The following PTPN14 variants were observed in gnomAD, a reference collection of about 807,000 sequenced individuals.
The protein encoded by PTPN14 is protein tyrosine phosphatase non-receptor type 14, also known as tyrosine-protein phosphatase non-receptor type 14.
In PTPN14, 53 loss-of-function variants were observed where a neutral mutation model predicts 126.8. The observed-to-expected ratio is 0.42, with a 90% CI of 0.34 to 0.53. PTPN14 has a LOEUF of 0.53. PTPN14 is among the 20% of genes least tolerant of loss of function. The pLI is 0.08. For missense variants in PTPN14, 1,257 were observed against 1,552.9 expected, an observed-to-expected ratio of 0.81 and a Z score of 3.20; for synonymous variants, 630 against 599.3, an observed-to-expected ratio of 1.05 and a Z score of -0.75.
At chr1:214,462,716 T>C (rs774427815) in intron 2 of PTPN14, among the ~76,000 whole-genome samples, 6 of 152,198 alleles carry the variant, frequency 3.9e-5, no homozygotes, top group Non-Finnish European at 5.9e-5. Flanking sequence ...TGATATTAAC[T>C]GTTTATTTAA....
intron 1 of PTPN14, among the ~76,000 whole-genome samples, chr1:214,495,119 T>C (rs10779617): frequency 0.57 from 86,673 of 152,054 alleles, 25,146 homozygotes; most frequent in Middle Eastern, 0.7. Flanking sequence ...AAAGACACTA[T>C]ACTAGTGAAA....
chr1:214,501,544 A>C lies in PTPN14; in HGVS notation c.-154-36587T>G, dbSNP rs147913335. 8.2e-3 allele frequency among the ~76,000 whole-genome samples: 1,248 copies of C among 152,250 alleles called. 14 individuals are homozygous for C. Among genetic ancestry groups the C allele is most frequent in the Middle Eastern group, 0.017 (5 of 294 alleles). On this transcript the variant is annotated intron_variant, in intron 1 of 18. Transcript: ENST00000366956. ...GGCATGAATGACCACGCCCAGCCCA[A>C]AACAGAGTAAGTATTCTATGAACAA... is the stretch of plus-strand genomic sequence containing the variant.
At chr1:214,485,567 G>A (rs1425315846) in intron 1 of PTPN14, among the ~76,000 whole-genome samples, 1 of 152,106 alleles carries the variant, frequency 6.6e-6, no homozygotes, top group African/African-American at 2.4e-5. Context: ...TGGACCTACA[G>A]GTAAATTCAA....
intron 3 of PTPN14, among the ~76,000 whole-genome samples, chr1:214,432,888 G>A (rs1397351734): frequency 6.6e-6 from 1 of 152,070 alleles, no homozygotes; most frequent in Admixed American, 6.6e-5. Flanking sequence ...GCATGGGTGT[G>A]TTCACTTTAC....
At chr1:214,403,317 A>G (rs1409746295) in intron 5 of PTPN14, among the ~76,000 whole-genome samples, 2 of 152,220 alleles carry the variant, frequency 1.3e-5, no homozygotes, top group East Asian at 1.9e-4. Context: ...GTATAGGCCA[A>G]TGAGTTTCCA....
intron 12 of PTPN14, among the ~76,000 whole-genome samples, chr1:214,385,913 T>A: frequency 6.6e-6 from 1 of 152,298 alleles, no homozygotes; most frequent in Admixed American, 6.5e-5. Flanking sequence ...GTACTATTTT[T>A]ATTAAATTAA....
intron 15 of PTPN14, among the ~76,000 whole-genome samples, 156 bp from the exon 16 acceptor site, chr1:214,372,995 T>G (rs1007736953): frequency 2.0e-5 from 3 of 152,246 alleles, no homozygotes; most frequent in Admixed American, 1.3e-4. Flanking sequence ...CTACAGAGGC[T>G]AGTGTAGTGA....
intron 1 of PTPN14, among the ~76,000 whole-genome samples, chr1:214,527,285 T>C (rs1473383808): frequency 2.6e-5 from 4 of 152,170 alleles, no homozygotes; most frequent in Admixed American, 6.5e-5. Context: ...ATTGGGTCTA[T>C]ACTTTTGCTC....
chr1:214,478,082 T>C (rs1660904409), intron 1 of PTPN14, among the ~76,000 whole-genome samples: 1 of 152,212 alleles, frequency 6.6e-6, no homozygotes, highest in Non-Finnish European at 1.5e-5. Context: ...CCCTTTGCAC[T>C]ATAATTAGCA....
At chr1:214,464,501 A>G in intron 2 of PTPN14, 129 bp downstream of exon 2, 2 of 1,225,324 alleles carry the variant, frequency 1.6e-6, no homozygotes, top group South Asian at 1.5e-5. Context: ...TCTTATAAAC[A>G]CATCGTCGCT....
chr1:214,388,837 C>T (rs965104724), intron 11 of PTPN14, among the ~76,000 whole-genome samples: 2 of 152,154 alleles, frequency 1.3e-5, no homozygotes, highest in African/African-American at 2.4e-5. Flanking sequence ...ATGGAAGAAA[C>T]GCACTGGCCA....
At chr1:214,431,114 G>C (rs1016089191) in intron 3 of PTPN14, among the ~76,000 whole-genome samples, 1 of 152,118 alleles carries the variant, frequency 6.6e-6, no homozygotes, top group African/African-American at 2.4e-5. Flanking sequence ...ACATTGAACG[G>C]CACAGACAAG....
At position 214,349,308 on chromosome 1, in the gene PTPN14, C is replaced by G. The variant is rs1351498888; in HGVS notation, c.*8614G>C. The G allele has an allele frequency of 1.3e-5, 2 of 152,236 alleles. No individual in the cohort carries two copies. Among genetic ancestry groups the G allele is most frequent in the African/African-American group, 4.8e-5 (2 of 41,452 alleles). 9.4% of individuals were successfully genotyped at this position (152,236 alleles called of 1,614,324 possible). Reference sequence around the variant, plus strand: ...GTCAGCCCACAAAAGCCAACCAGATCTGGCTATCACAGCCCTCCATTTGGG... The same window carrying G: ...GTCAGCCCACAAAAGCCAACCAGATGTGGCTATCACAGCCCTCCATTTGGG... On this transcript the variant is annotated 3_prime_UTR_variant, in exon 19 of 19. Coordinates refer to ENST00000366956, the MANE Select transcript of PTPN14 (RefSeq NM_005401.5).
In PTPN14 at chr1:214,532,758, T is replaced by C. The variant is rs1016608360; in HGVS notation, c.-155+18425A>G. 6 of 802,844 alleles carry C rather than the reference T, an allele frequency of 7.5e-6. No homozygotes were observed. In the African/African-American group the frequency reaches 1.0e-4, roughly 13 times the overall value. The allele number at this position is 802,844 out of a possible 1,614,324, so 49.7% of individuals were successfully genotyped here. A position where few individuals can be genotyped will look rare whatever the true frequency, so the allele number is the denominator to read the frequency against. On this transcript the variant is annotated intron_variant, in intron 1 of 18. Coordinates refer to ENST00000366956, the MANE Select transcript of PTPN14 (RefSeq NM_005401.5). The stretch of plus-strand genomic sequence containing the variant: ...TCTGCAAGGTCACTGATGACACCAA[T>C]GTCACTTGGCCACAGCTGGAGACAG...
intron 1 of PTPN14, among the ~76,000 whole-genome samples, chr1:214,465,714 T>C (rs1221189099): frequency 6.6e-6 from 1 of 152,058 alleles, no homozygotes; most frequent in Non-Finnish European, 1.5e-5. Flanking sequence ...ATTGTCTCAT[T>C]CCAACTTCAT....
intron 16 of PTPN14, among the ~76,000 whole-genome samples, chr1:214,370,268 G>A (rs1250343610): frequency 1.4e-5 from 2 of 142,830 alleles, no homozygotes; most frequent in African/African-American, 5.1e-5. Flanking sequence ...CAACAGAGGG[G>A]AGATTCCATC....
intron 3 of PTPN14, among the ~76,000 whole-genome samples, chr1:214,449,799 G>C (rs1331695593): frequency 6.6e-6 from 1 of 151,674 alleles, no homozygotes; most frequent in Non-Finnish European, 1.5e-5. Flanking sequence ...GCCTCTGTTT[G>C]CAATTATGCC....
At chr1:214,410,607 T>C (rs953599095) in intron 5 of PTPN14, among the ~76,000 whole-genome samples, 3 of 152,208 alleles carry the variant, frequency 2.0e-5, no homozygotes, top group Admixed American at 6.5e-5. Context: ...AAGTCTTTAA[T>C]ACATTTTGAA....
At chr1:214,420,849 T>G (rs932893884) in intron 3 of PTPN14, among the ~76,000 whole-genome samples, 1 of 152,228 alleles carries the variant, frequency 6.6e-6, no homozygotes, top group Admixed American at 6.5e-5. Context: ...CTGAGGGCTG[T>G]GATGCCCTGA....
Sources: allele counts gnomAD v4.1 joint callset (sites outside exome capture counted in the v4.1 genomes callset), GRCh38; gene constraint gnomAD v4.1.1; transcripts MANE v1.5; gene names NCBI Gene and HGNC (gene_info 2026-07-23, HGNC 2026-07-21).